The following POU6F1 variants were observed in gnomAD, a reference collection of about 807,000 sequenced individuals.
POU6F1 encodes the protein POU domain, class 6, transcription factor 1.
POU6F1 carries 9 observed loss-of-function variants against 28.9 expected under a neutral mutation model. That is an observed-to-expected ratio of 0.31 (90% CI 0.19 to 0.54). POU6F1 has a LOEUF of 0.54. Ranked by LOEUF, POU6F1 falls within the 20% of genes least tolerant of loss-of-function variation. The pLI is 0.94. For missense variants in POU6F1, 338 were observed against 426.1 expected (o/e 0.79, Z 1.82); for synonymous variants, 173 against 171.1 (o/e 1.01, Z -0.09).
At chr12:51,191,560 G>A (rs766983665) in intron 10 of POU6F1, 36 bp downstream of exon 10, 6 of 1,594,276 alleles carry the variant, frequency 3.8e-6, no homozygotes, top group Non-Finnish European at 5.1e-6. Context: ...AGGCAGCTGA[G>A]CAGGCCCTAA....
chr12:51,190,194 G>T lies in POU6F1; in HGVS notation c.*53C>A. 1 of 1,581,286 alleles carries T rather than the reference G, an allele frequency of 6.3e-7. No homozygotes were observed. On this transcript the variant is annotated 3_prime_UTR_variant, in exon 11 of 11. Coordinates refer to ENST00000333640, the MANE Select transcript of POU6F1 (RefSeq NM_001330422.2). The surrounding 1 kb of genome is among the most constrained non-coding windows in gnomAD (Gnocchi z 4.5). ...TGCTGTCATGGCAGTGGCTGCAGCC[G>T]GATGCCACGGGAAATGGACAAAGTG...
chr12:51,211,828 G>A (rs1245275120), intron 1 of POU6F1, among the ~76,000 whole-genome samples: 1 of 152,142 alleles, frequency 6.6e-6, no homozygotes, highest in African/African-American at 2.4e-5. Flanking sequence ...AAGTGCTAAG[G>A]CATTTGCCTA....
chr12:51,212,074 GTTT>G (rs1379555089), intron 1 of POU6F1, among the ~76,000 whole-genome samples: 1 of 110,802 alleles, frequency 9.0e-6, no homozygotes, highest in African/African-American at 3.3e-5. Flanking sequence ...TTTTTTTTTT[GTTT>G]TTTTTGTTTT....
intron 1 of POU6F1, among the ~76,000 whole-genome samples, chr12:51,216,046 G>A (rs1300388699): frequency 2.6e-5 from 4 of 152,114 alleles, no homozygotes; most frequent in African/African-American, 9.7e-5. Context: ...GGCCAGGCAC[G>A]GTGGCTCACG....
In POU6F1 at chr12:51,190,320, A is replaced by G. The variant is rs1565597246; in HGVS notation, c.1763T>C (p.Val588Ala). 3 of 1,614,208 alleles carry G rather than the reference A, an allele frequency of 1.9e-6. No individual in the cohort carries two copies. Among genetic ancestry groups the G allele is most frequent in the Admixed American group, 1.7e-5 (1 of 60,028 alleles). The change falls in exon 11 of 11, where the codon GTG (valine) becomes GCG (alanine). Residue 588 changes from valine to alanine, a missense_variant. Physicochemically the swap from Val to Ala is moderately conservative, Grantham distance 64. Around this residue, in one of 3 missense-constraint regions of POU6F1, gnomAD observed 126 missense variants for 176.5 expected, o/e 0.71. Transcript: ENST00000333640. The surrounding 1 kb of genome is among the most constrained non-coding windows in gnomAD (Gnocchi z 4.5). ...GCGCCGATTGCAGAACCAGACCCGC[A>G]CTACCTCACGGTCGTAGTTGAGCTC... ...AKELNYDREV[V>A]RVWFCNRRQT...
Position 51,206,854 on chromosome 12 carries a change from G to C in POU6F1, c.-18C>G, listed in dbSNP as rs1487628414. ...GGATCCATGGTCACTTGTCAGGGTC[G>C]GGTGGGGGCCGGCCCACACCTAGCA... On this transcript the variant is annotated 5_prime_UTR_variant, in exon 2 of 11. Transcript: ENST00000333640. 4 of 398,592 alleles carry C rather than the reference G, an allele frequency of 1.0e-5. No homozygotes were observed. The highest frequency in any genetic ancestry group is 1.8e-5 in the Non-Finnish European group (4 of 226,024). 24.7% of individuals were successfully genotyped at this position (398,592 alleles called of 1,614,324 possible). A position where few individuals can be genotyped will look rare whatever the true frequency, so the allele number is the denominator to read the frequency against.
rs1270643310 is a variant in POU6F1 at position 51,191,639 on chromosome 12, T to C, written c.1447A>G (p.Thr483Ala). ...CTGTAGGCTGGACCTTCCGTTGCAG[T>C]CAGAGCCTGACCCACCTGGGTCTGT... ...LTQTQVGQAL[T>A]ATEGPAYSQS... Residue 483 changes from threonine (T) to alanine (A), a missense_variant, in exon 10 of 11, where the codon ACT becomes GCT. Physicochemically the swap from Thr to Ala is moderately conservative, Grantham distance 58. Transcript: ENST00000333640. 1 of 1,614,008 alleles carries C rather than the reference T, an allele frequency of 6.2e-7. No homozygotes were observed. Among genetic ancestry groups the C allele is most frequent in the East Asian group, 2.2e-5 (1 of 44,878 alleles).
intron 3 of POU6F1, chr12:51,201,819 C>A (rs1451398926): frequency 1.3e-5 from 2 of 151,306 alleles, no homozygotes; most frequent in African/African-American, 4.9e-5. Context: ...GAAACATCAA[C>A]AATGTACCTG....
intron 5 of POU6F1, 60 bp downstream of exon 5, chr12:51,198,490 G>A (rs1942997044): frequency 1.0e-5 from 4 of 399,058 alleles, no homozygotes; most frequent in Non-Finnish European, 1.8e-5. Flanking sequence ...GCAAGCACAC[G>A]TGCGGGGGTG....
In POU6F1 at chr12:51,191,589, T is replaced by C. The variant is rs199614491; in HGVS notation, c.1490+7A>G. 38 of 1,612,036 alleles carry C rather than the reference T, an allele frequency of 2.4e-5. No homozygotes were observed. Among genetic ancestry groups the C allele is most frequent in the Non-Finnish European group, 3.1e-5 (37 of 1,179,560 alleles). ...GCCCTAATCCTGTCTAGGGCAGCCT[T>C]ACTCACCGGCAGATGGCTGACTGGC... On this transcript the variant is annotated splice_region_variant and intron_variant, in intron 10 of 10. Coordinates refer to ENST00000333640, the MANE Select transcript of POU6F1 (RefSeq NM_001330422.2).
intron 3 of POU6F1, chr12:51,201,825 A>G (rs1432644956): frequency 6.6e-6 from 1 of 151,204 alleles, no homozygotes; most frequent in Non-Finnish European, 1.5e-5. Context: ...TCAACAATGT[A>G]CCTGTTTCTC....
At chr12:51,200,228 A>G (rs1488734666) in intron 3 of POU6F1, among the ~76,000 whole-genome samples, 2 of 152,164 alleles carry the variant, frequency 1.3e-5, no homozygotes, top group Non-Finnish European at 2.9e-5. Flanking sequence ...TGTGTCAGGG[A>G]GGGCCGGAGC....
intron 2 of POU6F1, among the ~76,000 whole-genome samples, chr12:51,205,920 G>C (rs1210616003): frequency 2.7e-5 from 4 of 148,108 alleles, no homozygotes; most frequent in African/African-American, 9.9e-5. Flanking sequence ...CTGGGCTCAC[G>C]CAATTCTCCT....
At chr12:51,208,219 C>T (rs1943755381) in intron 1 of POU6F1, among the ~76,000 whole-genome samples, 1 of 151,852 alleles carries the variant, frequency 6.6e-6, no homozygotes, top group South Asian at 2.1e-4. Context: ...GTGGGAAGAT[C>T]GCTTGAGCCT....
At position 51,204,007 on chromosome 12, in the gene POU6F1, T is replaced by G. The variant is rs186228774; in HGVS notation, c.244+166A>C. ...ACTAAAGCTCCAGAAACAAAGAGTGTAGAGTAGCCCTCGCAGCTGACCAGA... is the reference window on the plus strand; with the variant it reads ...ACTAAAGCTCCAGAAACAAAGAGTGGAGAGTAGCCCTCGCAGCTGACCAGA... On this transcript the variant is annotated intron_variant, in intron 3 of 10. Transcript: ENST00000333640. 1.3e-3 allele frequency among the ~76,000 whole-genome samples: 202 copies of G among 152,156 alleles called. 1 individual carries two copies. The highest frequency in any genetic ancestry group is 6.8e-3 in the Middle Eastern group (2 of 294).
chr12:51,190,510 G>T lies in POU6F1; in HGVS notation c.1573C>A (p.Arg525=), dbSNP rs760174579. 6.2e-7 allele frequency: 1 copy of T among 1,614,126 alleles called. No individual in the cohort carries two copies. The highest frequency in any genetic ancestry group is 1.7e-5 in the Admixed American group (1 of 60,024). ...AGGTTCTGCTGGCCTTCCTGGTTCC[G>T]CAGTTCAGCTTCGTTTAGCCACTTT... ...LEKWLNEAEL[R]NQEGQQNLME... The change falls in exon 11 of 11, where the codon CGG becomes AGG. Residue 525 remains arginine (R), a synonymous_variant. Coordinates refer to ENST00000333640, the MANE Select transcript of POU6F1 (RefSeq NM_001330422.2). The surrounding 1 kb of genome is among the most constrained non-coding windows in gnomAD (Gnocchi z 4.5).
In POU6F1 at chr12:51,196,080, G is replaced by A; in HGVS notation, c.1069C>T (p.Leu357=). 6.2e-7 allele frequency: 1 copy of A among 1,607,326 alleles called. No homozygotes were observed. Among genetic ancestry groups the A allele is most frequent in the Middle Eastern group, 1.7e-4 (1 of 5,882 alleles). Residue 357 remains leucine (L), a synonymous_variant, in exon 8 of 11, where the codon CTG becomes TTG. Coordinates refer to ENST00000333640, the MANE Select transcript of POU6F1 (RefSeq NM_001330422.2). ...ACCTGGCCCTGGGCGTTCAACAACA[G>A]CTGGGGGGTCACGGCCTGGACCTGC... ...SLQVQAVTPQ[L]LLNAQGQVIA... is the part of the protein sequence containing the mutation.
At chr12:51,193,096 T>C (rs921427919) in intron 8 of POU6F1, among the ~76,000 whole-genome samples, 1 of 152,196 alleles carries the variant, frequency 6.6e-6, no homozygotes, top group Non-Finnish European at 1.5e-5. Context: ...TGCTCACCCT[T>C]GGGATAACTG....
intron 3 of POU6F1, among the ~76,000 whole-genome samples, chr12:51,203,328 T>A (rs1345785344): frequency 6.6e-6 from 1 of 152,102 alleles, no homozygotes; most frequent in African/African-American, 2.4e-5. Flanking sequence ...CACTGCACAA[T>A]GGCTATGCTG....
Sources: allele counts gnomAD v4.1 joint callset (sites outside exome capture counted in the v4.1 genomes callset), GRCh38; gene constraint gnomAD v4.1.1; regional missense constraint gnomAD v4.1.1; non-coding constraint Gnocchi (gnomAD v3.1); transcripts MANE v1.5; gene names NCBI Gene and HGNC (gene_info 2026-07-23, HGNC 2026-07-21).